Variants in POLR3E observed in about 807,000 individuals in gnomAD.
The protein encoded by POLR3E is RNA polymerase III subunit E.
A neutral mutation model predicts 96.6 loss-of-function variants in POLR3E; 41 were observed. The observed-to-expected ratio is 0.42, with a 90% CI of 0.33 to 0.55. POLR3E has a LOEUF of 0.55. Among genes scored for constraint, POLR3E ranks in the 20% least tolerant of loss-of-function variants. The pLI is 0.06. For missense variants in POLR3E, 849 were observed against 952.1 expected, an observed-to-expected ratio of 0.89 and a Z score of 1.43; for synonymous variants, 396 against 383.6, an observed-to-expected ratio of 1.03 and a Z score of -0.38.
Position 22,305,194 on chromosome 16 carries a change from G to A in POLR3E, c.75G>A (p.Leu25=). The A allele has an allele frequency of 1.2e-6, 2 of 1,612,214 alleles. No individual in the cohort carries two copies. The highest frequency in any genetic ancestry group is 1.7e-6 in the Non-Finnish European group (2 of 1,178,370). Residue 25 remains leucine (L), a synonymous_variant, in exon 3 of 21, where the codon CTG becomes CTA. Coordinates refer to ENST00000299853, the MANE Select transcript of POLR3E (RefSeq NM_018119.4). ...VYLAKSLAEK[L]YLFQYPVRPA... ...TGGCCAAGAGTCTGGCGGAAAAGCTGTATCTATTTCAGGTAATTATGGGAC... is the reference window on the plus strand; with the variant it reads ...TGGCCAAGAGTCTGGCGGAAAAGCTATATCTATTTCAGGTAATTATGGGAC...
chr16:22,298,771 T>A (rs929631735), intron 1 of POLR3E, among the ~76,000 whole-genome samples: 2 of 152,184 alleles, frequency 1.3e-5, no homozygotes, highest in African/African-American at 4.8e-5. Flanking sequence ...AGATGATAAA[T>A]CTCTATTGAT....
intron 13 of POLR3E, among the ~76,000 whole-genome samples, chr16:22,320,093 T>C (rs2048438697): frequency 6.6e-6 from 1 of 152,204 alleles, no homozygotes; most frequent in Non-Finnish European, 1.5e-5. Context: ...TAATTGCTGC[T>C]TTTTACCCCA....
intron 20 of POLR3E, 143 bp from the exon 21 acceptor site, chr16:22,333,501 C>A: frequency 1.7e-6 from 1 of 597,420 alleles, no homozygotes; most frequent in Non-Finnish European, 3.1e-6. Flanking sequence ...CTGGTAGTAG[C>A]CATGGTGGTA....
rs2048411979 is a variant in POLR3E, at chr16:22,318,821, C to T, written c.866-5C>T. The stretch of plus-strand genomic sequence containing the variant: ...CTTGTCTGATGTCTCCTGCGTCCTC[C>T]TCAGTGAAGGTCATGCCTTTTGCCA... On this transcript the variant is annotated splice_polypyrimidine_tract_variant and splice_region_variant and intron_variant, in intron 12 of 20. Transcript: ENST00000299853. This position sits in a 1 kb window ranked among gnomAD's most constrained non-coding sequence, Gnocchi z 5.0. The T allele has an allele frequency of 6.2e-7, 1 of 1,613,002 alleles. No homozygotes were observed. The highest frequency in any genetic ancestry group is 1.3e-5 in the African/African-American group (1 of 74,888).
chr16:22,316,936 G>A (rs2048367815), intron 10 of POLR3E, 59 bp from the exon 11 acceptor site: 1 of 1,565,968 alleles, frequency 6.4e-7, no homozygotes, highest in Admixed American at 1.7e-5. Flanking sequence ...TTGGGTGGCT[G>A]GTGAGGAGGG....
chr16:22,304,173 C>A (rs1475290976), intron 2 of POLR3E, among the ~76,000 whole-genome samples: 1 of 152,060 alleles, frequency 6.6e-6, no homozygotes, highest in Non-Finnish European at 1.5e-5. Context: ...TCCTTTTAAC[C>A]CAGGACTTAG....
At chr16:22,332,213 A>G in intron 20 of POLR3E, 28 bp downstream of exon 20, 1 of 1,602,932 alleles carries the variant, frequency 6.2e-7, no homozygotes, top group Non-Finnish European at 8.5e-7. Flanking sequence ...ATAACAAACA[A>G]TATCAAAGGC....
intron 1 of POLR3E, chr16:22,302,371 TA>T (rs1162589086): frequency 6.5e-6 from 1 of 152,872 alleles, no homozygotes; most frequent in Non-Finnish European, 1.5e-5. Context: ...CCACACCTCA[TA>T]GGGTCATTGT....
chr16:22,325,408 G>A, intron 17 of POLR3E, 142 bp downstream of exon 17: 2 of 741,658 alleles, frequency 2.7e-6, no homozygotes, highest in South Asian at 1.6e-5. Context: ...TTCCTTTCCT[G>A]CCACCCACAG....
intron 12 of POLR3E, among the ~76,000 whole-genome samples, chr16:22,317,484 C>T (rs963360105): frequency 6.6e-6 from 1 of 152,302 alleles, no homozygotes; most frequent in Non-Finnish European, 1.5e-5. Flanking sequence ...CACTTGTCTG[C>T]CATGCTCTTG....
At chr16:22,316,839 A>G in intron 10 of POLR3E, 153 bp downstream of exon 10, 2 of 971,608 alleles carry the variant, frequency 2.1e-6, no homozygotes, top group Non-Finnish European at 3.3e-6. Context: ...TGGGCCTGGA[A>G]AGAGATGGTC....
chr16:22,304,162 A>T (rs993454472), intron 2 of POLR3E, among the ~76,000 whole-genome samples: 1 of 152,070 alleles, frequency 6.6e-6, no homozygotes, highest in African/African-American at 2.4e-5. Flanking sequence ...ACCTTTCAGA[A>T]TCCTTTTAAC....
chr16:22,333,629 G>A lies in POLR3E; in HGVS notation c.2071-15G>A. ...TCCTGCAAAAATCTGTGCTTACCCT[G>A]TTTCTCTCTCATAGGACTGCTGTGT... On this transcript the variant is annotated splice_polypyrimidine_tract_variant and intron_variant, in intron 20 of 20. Coordinates refer to ENST00000299853, the MANE Select transcript of POLR3E (RefSeq NM_018119.4). 1 of 1,600,052 alleles carries A rather than the reference G, an allele frequency of 6.2e-7. No homozygotes were observed. Among genetic ancestry groups the A allele is most frequent in the East Asian group, 2.2e-5 (1 of 44,806 alleles).
Position 22,313,989 on chromosome 16 carries a change from C to A in POLR3E, c.473-90C>A. 1 of 1,181,560 alleles carries A rather than the reference C, an allele frequency of 8.5e-7. No individual in the cohort carries two copies. The highest frequency in any genetic ancestry group is 1.3e-6 in the Non-Finnish European group (1 of 790,404). 73.2% of individuals were successfully genotyped at this position (1,181,560 alleles called of 1,614,324 possible). A position where few individuals can be genotyped will look rare whatever the true frequency, so the allele number is the denominator to read the frequency against. On this transcript the variant is annotated intron_variant, in intron 7 of 20. Transcript: ENST00000299853. This position sits in a 1 kb window ranked among gnomAD's most constrained non-coding sequence, Gnocchi z 4.1. ...CCTCTGCGAGGAGAACTCCCAGCAC[C>A]CCGGCCTGAGGCTTCCCTGGCGGGT...
intron 13 of POLR3E, among the ~76,000 whole-genome samples, chr16:22,321,089 A>C (rs1451191811): frequency 6.6e-6 from 1 of 152,098 alleles, no homozygotes; most frequent in South Asian, 2.1e-4. Context: ...CCTCCCCTAG[A>C]CCATGTGCTG....
intron 10 of POLR3E, 97 bp from the exon 11 acceptor site, chr16:22,316,898 T>C: frequency 1.5e-6 from 2 of 1,338,702 alleles, no homozygotes; most frequent in East Asian, 2.3e-5. Context: ...GGGGGTGGGC[T>C]GTCTGCACCC....
intron 12 of POLR3E, 99 bp downstream of exon 12, chr16:22,317,305 G>A (rs2048377659): frequency 1.2e-6 from 1 of 817,976 alleles, no homozygotes; most frequent in Non-Finnish European, 2.0e-6. Flanking sequence ...AAGGCCAGAG[G>A]CCCCTGCTGC....
chr16:22,308,802 A>G lies in POLR3E; in HGVS notation c.166-123A>G, dbSNP rs1050592957. 4.8e-6 allele frequency: 3 copies of G among 631,230 alleles called. No individual in the cohort carries two copies. In the African/African-American group the frequency reaches 5.5e-5, roughly 12 times the overall value. 39.1% of individuals were successfully genotyped at this position (631,230 alleles called of 1,614,324 possible). On this transcript the variant is annotated intron_variant, in intron 4 of 20. Coordinates refer to ENST00000299853, the MANE Select transcript of POLR3E (RefSeq NM_018119.4). ...CTGAAGTCCAGGGGCCCTTGGGGAC[A>G]TGTGTCAGTCTCGCTTCCGGGCAGG...
chr16:22,303,368 C>G (rs1333770656), intron 2 of POLR3E, among the ~76,000 whole-genome samples: 1 of 152,204 alleles, frequency 6.6e-6, no homozygotes, highest in African/African-American at 2.4e-5. Context: ...CCGTCCACTG[C>G]TGTGCCGCAA....
Sources: gnomAD v4.1 joint callset for allele counts (sites outside exome capture counted in the v4.1 genomes callset) on GRCh38, gnomAD v4.1.1 for gene constraint, Gnocchi (gnomAD v3.1) non-coding constraint, MANE v1.5 for transcripts, NCBI Gene and HGNC (gene_info 2026-07-23, HGNC 2026-07-21) for gene names.